CAMKMT: variants seen among roughly 807,000 people sequenced by gnomAD.
The protein encoded by CAMKMT is CaM KMT.
CAMKMT carries 53 observed loss-of-function variants against 48.0 expected under a neutral mutation model. The ratio of observed to expected loss-of-function variants is 1.10; its 90% confidence interval spans 0.89 to 1.39. The LOEUF (loss-of-function observed/expected upper bound fraction) is 1.39, where lower values mean the gene tolerates loss of function less well. CAMKMT is among the 40% of genes most tolerant of loss of function. The probability of loss-of-function intolerance (pLI) is 0.00; values close to 1 mark genes in which losing one functional copy is unlikely to be tolerated. For missense variants in CAMKMT, 428 were observed against 402.7 expected (o/e 1.06, Z -0.54); for synonymous variants, 165 against 152.3 (o/e 1.08, Z -0.61).
In CAMKMT at chr2:44,657,774, T is replaced by C. The variant is rs2104067323; in HGVS notation, c.377-46509T>C. On this transcript the variant is annotated intron_variant, in intron 3 of 10. Transcript: ENST00000378494. This position sits in a 1 kb window ranked among gnomAD's most constrained non-coding sequence, Gnocchi z 4.3. ...ATTTTGGTAACCGAATAACTGACAA[T>C]GATGGATTCTCAAACATTTCTGCTA... Among the ~76,000 whole-genome samples, 1 of 152,162 alleles carries C rather than the reference T, an allele frequency of 6.6e-6. No individual in the cohort carries two copies. The highest frequency in any genetic ancestry group is 1.9e-4 in the East Asian group (1 of 5,198).
At chr2:44,581,203 G>A (rs1669540451) in intron 3 of CAMKMT, among the ~76,000 whole-genome samples, 1 of 152,094 alleles carries the variant, frequency 6.6e-6, no homozygotes, top group African/African-American at 2.4e-5. Context: ...TTGTAAGAAT[G>A]TAATAACAAA....
intron 3 of CAMKMT, among the ~76,000 whole-genome samples, chr2:44,670,154 T>G (rs964008839): frequency 6.6e-6 from 1 of 152,192 alleles, no homozygotes; most frequent in Non-Finnish European, 1.5e-5. Flanking sequence ...CTTCTCCCAG[T>G]TTTTAGCTTG....
chr2:44,576,072 A>G (rs1018096835), intron 3 of CAMKMT, among the ~76,000 whole-genome samples: 5 of 152,022 alleles, frequency 3.3e-5, no homozygotes, highest in Non-Finnish European at 5.9e-5. Flanking sequence ...CACGCCTGCA[A>G]TCCCAGCACT....
At chr2:44,492,465 A>C (rs1669555332) in intron 3 of CAMKMT, among the ~76,000 whole-genome samples, 1 of 152,194 alleles carries the variant, frequency 6.6e-6, no homozygotes, top group African/African-American at 2.4e-5. Context: ...GTAAGAATAA[A>C]AAATGTAAAA....
intron 3 of CAMKMT, among the ~76,000 whole-genome samples, chr2:44,545,106 C>G (rs952375925): frequency 2.0e-5 from 3 of 152,140 alleles, no homozygotes; most frequent in Admixed American, 2.0e-4. Flanking sequence ...ATATAATAAA[C>G]AGAATTAGAA....
intron 3 of CAMKMT, among the ~76,000 whole-genome samples, chr2:44,492,344 A>G (rs1321311544): frequency 3.3e-5 from 5 of 152,192 alleles, no homozygotes; most frequent in Admixed American, 3.3e-4. Flanking sequence ...TGTAAATTAT[A>G]TATTTTTATT....
rs1420597846 is a variant in CAMKMT, at chr2:44,754,129, T to G, written c.762+11T>G. 1 of 1,606,358 alleles carries G rather than the reference T, an allele frequency of 6.2e-7. No homozygotes were observed. The highest frequency in any genetic ancestry group is 1.1e-5 in the South Asian group (1 of 90,930). ...TTACTCCAGCCCAGGGTAAGTATGT[T>G]TCTATTTTCTCCTGAACACTGGCTA... is the stretch of plus-strand genomic sequence containing the variant. On this transcript the variant is annotated intron_variant, in intron 9 of 10. Transcript: ENST00000378494.
intron 3 of CAMKMT, among the ~76,000 whole-genome samples, chr2:44,532,062 T>C (rs967786840): frequency 2.0e-5 from 3 of 152,210 alleles, no homozygotes; most frequent in African/African-American, 7.2e-5. Context: ...CTGTACAGAA[T>C]GTGTATATGT....
At chr2:44,435,930 T>G (rs1666212930) in intron 3 of CAMKMT, among the ~76,000 whole-genome samples, 1 of 152,218 alleles carries the variant, frequency 6.6e-6, no homozygotes, top group Non-Finnish European at 1.5e-5. Flanking sequence ...AGTACGTCAT[T>G]CATTTTGCCT....
At chr2:44,751,932 CT>C (rs1354321180) in intron 8 of CAMKMT, among the ~76,000 whole-genome samples, 1 of 152,082 alleles carries the variant, frequency 6.6e-6, no homozygotes, top group Non-Finnish European at 1.5e-5. Flanking sequence ...ACAGGAGGTT[CT>C]TTCAACCAAC....
intron 1 of CAMKMT, among the ~76,000 whole-genome samples, chr2:44,364,085 G>A (rs1429071721): frequency 7.5e-6 from 1 of 132,674 alleles, no homozygotes; most frequent in Non-Finnish European, 1.5e-5. Context: ...CTGGGCTCAA[G>A]CAATCCTCCC....
chr2:44,492,458 A>G (rs1669554942), intron 3 of CAMKMT, among the ~76,000 whole-genome samples: 2 of 152,190 alleles, frequency 1.3e-5, no homozygotes, highest in Admixed American at 1.3e-4. Flanking sequence ...TTTCCAGGTA[A>G]GAATAAAAAA....
intron 6 of CAMKMT, among the ~76,000 whole-genome samples, chr2:44,711,345 C>T (rs776196470): frequency 6.6e-6 from 1 of 152,158 alleles, no homozygotes; most frequent in African/African-American, 2.4e-5. Context: ...CAAGATAGGT[C>T]TAGTACCTAT....
At chr2:44,471,461 G>T (rs185406490) in intron 3 of CAMKMT, among the ~76,000 whole-genome samples, 1 of 152,028 alleles carries the variant, frequency 6.6e-6, no homozygotes, top group Non-Finnish European at 1.5e-5. Flanking sequence ...TTAGCTGGTG[G>T]TGGTGGTGGG....
chr2:44,390,852 G>C (rs1414098552), intron 3 of CAMKMT, among the ~76,000 whole-genome samples: 1 of 152,076 alleles, frequency 6.6e-6, no homozygotes, highest in Non-Finnish European at 1.5e-5. Flanking sequence ...ATTAATTGGT[G>C]ATAGATTTGT....
intron 6 of CAMKMT, among the ~76,000 whole-genome samples, chr2:44,708,028 C>T (rs1677658110): frequency 6.6e-6 from 1 of 151,948 alleles, no homozygotes; most frequent in South Asian, 2.1e-4. Context: ...TATGCTATTG[C>T]AGTTCAAACT....
At chr2:44,647,421 C>T (rs1045917381) in intron 3 of CAMKMT, among the ~76,000 whole-genome samples, 1 of 152,096 alleles carries the variant, frequency 6.6e-6, no homozygotes, top group Non-Finnish European at 1.5e-5. Flanking sequence ...TGAACAATCA[C>T]CAACAGACTT....
At chr2:44,692,237 C>T (rs1676696547) in intron 3 of CAMKMT, among the ~76,000 whole-genome samples, 1 of 151,800 alleles carries the variant, frequency 6.6e-6, no homozygotes, top group African/African-American at 2.4e-5. Flanking sequence ...ATAGCAGCAG[C>T]ATCATTTCTG....
chr2:44,487,662 T>A (rs1005024915), intron 3 of CAMKMT, among the ~76,000 whole-genome samples: 3 of 152,220 alleles, frequency 2.0e-5, no homozygotes, highest in Admixed American at 1.3e-4. Context: ...GTGAAGGCAA[T>A]CATAGACACA....
Sources: gnomAD v4.1 joint callset for allele counts (sites outside exome capture counted in the v4.1 genomes callset) on GRCh38, gnomAD v4.1.1 for gene constraint, Gnocchi (gnomAD v3.1) non-coding constraint, MANE v1.5 for transcripts, NCBI Gene and HGNC (gene_info 2026-07-23, HGNC 2026-07-21) for gene names.